The following ARRB1 variants were observed in gnomAD, a reference collection of about 807,000 sequenced individuals.
The protein encoded by ARRB1 is beta-arrestin-1.
A neutral mutation model predicts 56.8 loss-of-function variants in ARRB1; 21 were observed. The observed-to-expected ratio is 0.37, with a 90% CI of 0.26 to 0.53. The LOEUF (loss-of-function observed/expected upper bound fraction) is 0.53, where lower values mean the gene tolerates loss of function less well. Among genes scored for constraint, ARRB1 ranks in the 20% least tolerant of loss-of-function variants. The pLI is 0.88. For missense variants in ARRB1, 424 were observed against 553.7 expected, an observed-to-expected ratio of 0.77 and a Z score of 2.35; for synonymous variants, 210 against 218.6, an observed-to-expected ratio of 0.96 and a Z score of 0.35.
At chr11:75,292,738 A>C (rs1296969442) in intron 1 of ARRB1, among the ~76,000 whole-genome samples, 2 of 152,166 alleles carry the variant, frequency 1.3e-5, no homozygotes, top group Non-Finnish European at 2.9e-5. Flanking sequence ...GGAGCGAGAC[A>C]CCCTGGTCAG....
intron 6 of ARRB1, chr11:75,281,505 G>A (rs1175610114): frequency 2.3e-5 from 8 of 341,852 alleles, no homozygotes; most frequent in East Asian, 1.1e-4. Context: ...TGGCTTATCC[G>A]GTATTCCTCT....
At chr11:75,313,568 G>A (rs1206196883) in intron 1 of ARRB1, among the ~76,000 whole-genome samples, 3 of 152,292 alleles carry the variant, frequency 2.0e-5, no homozygotes, top group Non-Finnish European at 2.9e-5. Context: ...TCCAGATCCC[G>A]TGACTAAGAA....
At position 75,280,976 on chromosome 11, in the gene ARRB1, C is replaced by T. The variant is rs1946320278; in HGVS notation, c.482+99G>A. On this transcript the variant is annotated intron_variant, in intron 7 of 15. Transcript: ENST00000420843. ...AGGCTGGAATGTGCGCCCCTCCTCACACACTTCCAGGTATTGTTACTTATC... is the reference window on the plus strand; with the variant it reads ...AGGCTGGAATGTGCGCCCCTCCTCATACACTTCCAGGTATTGTTACTTATC... 9.3e-6 allele frequency: 13 copies of T among 1,392,444 alleles called. No homozygotes were observed. In the South Asian group the frequency reaches 1.6e-4, roughly 17 times the overall value. 86.3% of individuals were successfully genotyped at this position (1,392,444 alleles called of 1,614,324 possible). A position where few individuals can be genotyped will look rare whatever the true frequency, so the allele number is the denominator to read the frequency against.
chr11:75,282,151 C>A, intron 5 of ARRB1, 130 bp from the exon 6 acceptor site: 1 of 853,062 alleles, frequency 1.2e-6, no homozygotes, highest in Non-Finnish European at 1.9e-6. Context: ...TCTATCCCAT[C>A]AGACCATGCC....
At chr11:75,331,745 T>C (rs1249636737) in intron 1 of ARRB1, among the ~76,000 whole-genome samples, 1 of 152,108 alleles carries the variant, frequency 6.6e-6, no homozygotes. Context: ...AACAGCCTTG[T>C]TGCTCACACA....
Position 75,306,668 on chromosome 11 carries a change from C to T in ARRB1, c.21-16629G>A. On this transcript the variant is annotated intron_variant, in intron 1 of 15. Transcript: ENST00000420843. ...AGCCTGAGCTGGGGGCTGCAGGCAG[C>T]AGCAGCCAGGCCAGGGCCAGCCCCG... is the stretch of plus-strand genomic sequence containing the variant. 3 of 1,286,886 alleles carry T rather than the reference C, an allele frequency of 2.3e-6. No homozygotes were observed. In the East Asian group the frequency reaches 1.7e-4, roughly 71 times the overall value. The allele number at this position is 1,286,886 out of a possible 1,614,324, so 79.7% of individuals were successfully genotyped here. A position where few individuals can be genotyped will look rare whatever the true frequency, so the allele number is the denominator to read the frequency against.
At chr11:75,321,843 T>G (rs970734473) in intron 1 of ARRB1, among the ~76,000 whole-genome samples, 1 of 152,196 alleles carries the variant, frequency 6.6e-6, no homozygotes, top group African/African-American at 2.4e-5. Flanking sequence ...ATCAGACATA[T>G]GGTGAATAGG....
At position 75,262,213 on chromosome 11, in the gene ARRB1, G is replaced by A. The variant is rs1264392363; in HGVS notation, c.*3950C>T. The A allele has an allele frequency of 6.6e-6, 1 of 152,226 alleles. No individual in the cohort carries two copies. Among genetic ancestry groups the A allele is most frequent in the Non-Finnish European group, 1.5e-5 (1 of 68,048 alleles). 9.4% of individuals were successfully genotyped at this position (152,226 alleles called of 1,614,324 possible). ...GTGGTTTCAGCTCCCTGAGCCTGGG[G>A]GCTGGTGGCTCTCTTTAACCTGGGT... On this transcript the variant is annotated 3_prime_UTR_variant, in exon 16 of 16. Transcript: ENST00000420843.
intron 3 of ARRB1, among the ~76,000 whole-genome samples, chr11:75,287,060 C>T (rs531281434): frequency 1.3e-5 from 2 of 152,278 alleles, no homozygotes; most frequent in Admixed American, 6.5e-5. Flanking sequence ...CGGTGTCTGT[C>T]GTCATCACCC....
At chr11:75,284,454 C>T in intron 3 of ARRB1, 175 bp from the exon 4 acceptor site, 1 of 532,550 alleles carries the variant, frequency 1.9e-6, no homozygotes, top group Non-Finnish European at 3.3e-6. Flanking sequence ...ACGCTCCACC[C>T]TTCCCCCATC....
At chr11:75,309,071 C>T (rs779718449) in intron 1 of ARRB1, among the ~76,000 whole-genome samples, 58 of 152,260 alleles carry the variant, frequency 3.8e-4, no homozygotes, top group Non-Finnish European at 6.6e-4. Context: ...GGGGAGGCAA[C>T]GCCCGCCTGG....
intron 14 of ARRB1, 22 bp from the exon 15 acceptor site, chr11:75,267,725 A>C: frequency 5.3e-5 from 38 of 718,056 alleles, no homozygotes; most frequent in Non-Finnish European, 8.3e-5. Flanking sequence ...GTGGGTGGGC[A>C]GGGTGTCCAG....
chr11:75,342,793 C>A lies in ARRB1; in HGVS notation c.20+8795G>T, dbSNP rs575170517. Among the ~76,000 whole-genome samples, 3 of 152,260 alleles carry A rather than the reference C, an allele frequency of 2.0e-5. No individual in the cohort carries two copies. In the South Asian group the frequency reaches 6.2e-4, roughly 32 times the overall value. On this transcript the variant is annotated intron_variant, in intron 1 of 15. Transcript: ENST00000420843. ...GGATTGGACCAAGTAGACAGAGAGG[C>A]GCAGCAGGAACAAAGGCCCTGAGGC...
intron 1 of ARRB1, among the ~76,000 whole-genome samples, chr11:75,332,106 C>A (rs527579737): frequency 1.2e-3 from 185 of 151,796 alleles, no homozygotes; most frequent in African/African-American, 4.3e-3. Context: ...TACCCAAAAT[C>A]CTGTAAAACT....
chr11:75,278,172 G>C (rs1176896381), intron 8 of ARRB1, among the ~76,000 whole-genome samples: 1 of 152,244 alleles, frequency 6.6e-6, no homozygotes, highest in Non-Finnish European at 1.5e-5. Flanking sequence ...ACAGCAGTCA[G>C]CTGGGTTTGA....
intron 1 of ARRB1, among the ~76,000 whole-genome samples, chr11:75,297,765 T>C (rs1160211758): frequency 7.1e-6 from 1 of 141,196 alleles, no homozygotes; most frequent in African/African-American, 2.7e-5. Flanking sequence ...CTTGGGAGGC[T>C]GAGGCAGGAG....
At chr11:75,340,480 G>GC (rs1947677425) in intron 1 of ARRB1, among the ~76,000 whole-genome samples, 2 of 152,366 alleles carry the variant, frequency 1.3e-5, no homozygotes, top group Admixed American at 6.5e-5. Flanking sequence ...AGGGAGGCAT[G>GC]CTCAGTTATG....
intron 5 of ARRB1, 94 bp from the exon 6 acceptor site, chr11:75,282,115 C>A: frequency 7.4e-6 from 10 of 1,350,220 alleles, no homozygotes; most frequent in Non-Finnish European, 1.0e-5. Context: ...ACCCATCAGA[C>A]CAAGGGCCCC....
chr11:75,320,868 T>G (rs1282267061), intron 1 of ARRB1, among the ~76,000 whole-genome samples: 1 of 152,176 alleles, frequency 6.6e-6, no homozygotes, highest in Non-Finnish European at 1.5e-5. Flanking sequence ...ACACTTCATT[T>G]CCATTCGCAA....
Sources: allele counts gnomAD v4.1 joint callset (sites outside exome capture counted in the v4.1 genomes callset), GRCh38; gene constraint gnomAD v4.1.1; transcripts MANE v1.5; gene names NCBI Gene and HGNC (gene_info 2026-07-23, HGNC 2026-07-21).